The following NPAS2 variants were observed in gnomAD, a reference collection of about 807,000 sequenced individuals.
The protein encoded by NPAS2 is neuronal PAS domain protein 2, also known as neuronal PAS domain-containing protein 2.
NPAS2 carries 23 observed loss-of-function variants against 107.5 expected under a neutral mutation model. That is an observed-to-expected ratio of 0.21 (90% confidence interval 0.15 to 0.30). The LOEUF (loss-of-function observed/expected upper bound fraction) is 0.30. NPAS2 is among the 10% of genes least tolerant of loss of function. The pLI is 1.00. For synonymous variants in NPAS2, 403 were observed against 417.5 expected (o/e 0.97, Z 0.42); for missense variants, 756 against 1,043.3 (o/e 0.72, Z 3.79).
At chr2:100,971,462 TG>T (rs1179754700) in intron 12 of NPAS2, among the ~76,000 whole-genome samples, 4 of 152,124 alleles carry the variant, frequency 2.6e-5, no homozygotes, top group African/African-American at 7.2e-5. Flanking sequence ...CCTCCCCGGC[TG>T]GGTTGTGGAG....
rs1165326545 is a variant in NPAS2 at position 100,968,997 on chromosome 2, GGCATGCCCA to G, written c.1055+571_1055+579del. On this transcript the variant is annotated intron_variant, in intron 11 of 20. Coordinates refer to ENST00000335681, the MANE Select transcript of NPAS2 (RefSeq NM_002518.4). This position sits in a 1 kb window ranked among gnomAD's most constrained non-coding sequence, Gnocchi z 5.3. ...GGTGAGCAGGACTTTAAAGAGACGC[GGCATGCCCA>G]GGGTTTCATAGATGCTGCCTTTGTG... 2.0e-5 allele frequency among the ~76,000 whole-genome samples: 3 copies of G among 152,064 alleles called. No individual in the cohort carries two copies. The highest frequency in any genetic ancestry group is 1.5e-5 in the Non-Finnish European group (1 of 68,016).
Position 100,970,974 on chromosome 2 carries a change from T to C in NPAS2, c.1056-16T>C. The C allele has an allele frequency of 6.2e-7, 1 of 1,613,316 alleles. No individual in the cohort carries two copies. The highest frequency in any genetic ancestry group is 8.5e-7 in the Non-Finnish European group (1 of 1,179,278). On this transcript the variant is annotated splice_polypyrimidine_tract_variant and intron_variant, in intron 11 of 20. Transcript: ENST00000335681. Reference sequence around the variant, plus strand: ...AATGCCCCATCTCCACTGTGGTCTCTTAATTTCCTGTACAGTTACGCAGAT... The same window carrying C: ...AATGCCCCATCTCCACTGTGGTCTCCTAATTTCCTGTACAGTTACGCAGAT...
chr2:100,834,900 A>G (rs1257427078), intron 1 of NPAS2, among the ~76,000 whole-genome samples: 1 of 152,090 alleles, frequency 6.6e-6, no homozygotes, highest in African/African-American at 2.4e-5. Flanking sequence ...TTTTTAGTAG[A>G]GACCGGGTTT....
At chr2:100,966,466 T>A (rs911953738) in intron 10 of NPAS2, among the ~76,000 whole-genome samples, 76 of 152,312 alleles carry the variant, frequency 5.0e-4, no homozygotes, top group African/African-American at 1.8e-3. Flanking sequence ...CACTTACAGC[T>A]GTATTTTCAG....
chr2:100,822,322 G>A (rs920502801), intron 1 of NPAS2, among the ~76,000 whole-genome samples: 3 of 152,206 alleles, frequency 2.0e-5, no homozygotes, highest in Non-Finnish European at 2.9e-5. Context: ...TGATCTTTAT[G>A]TAGAAAACAA....
At chr2:100,948,694 G>A (rs1183523859) in intron 6 of NPAS2, among the ~76,000 whole-genome samples, 1 of 152,150 alleles carries the variant, frequency 6.6e-6, no homozygotes, top group Non-Finnish European at 1.5e-5. Context: ...TCATCATGGA[G>A]GATACTAAGA....
intron 1 of NPAS2, among the ~76,000 whole-genome samples, chr2:100,876,839 A>G (rs1680000497): frequency 1.3e-5 from 2 of 152,186 alleles, no homozygotes; most frequent in Admixed American, 1.3e-4. Context: ...AGACATGTGG[A>G]GGTGGACGTC....
intron 7 of NPAS2, among the ~76,000 whole-genome samples, chr2:100,963,053 G>A (rs1676004871): frequency 6.6e-6 from 1 of 152,248 alleles, no homozygotes; most frequent in African/African-American, 2.4e-5. Context: ...AGCAGATTTT[G>A]TCACCTGGGC....
intron 2 of NPAS2, among the ~76,000 whole-genome samples, chr2:100,908,125 G>T (rs1682288247): frequency 6.6e-6 from 1 of 152,146 alleles, no homozygotes; most frequent in South Asian, 2.1e-4. Flanking sequence ...GCCTGGCTTT[G>T]ATTCTTGCCA....
chr2:100,975,492 C>A lies in NPAS2; in HGVS notation c.1317C>A (p.Thr439=), dbSNP rs747065779. ...CCAAGCTGATGGCAGAGGCCAGCAC[C>A]CCGGCTTTGCCAAGATCAGCCACCC... ...TPTKLMAEAS[T]PALPRSATLP... Residue 439 remains threonine, a synonymous_variant, in exon 14 of 21, where the codon ACC becomes ACA. Coordinates refer to ENST00000335681, the MANE Select transcript of NPAS2 (RefSeq NM_002518.4). 5.6e-6 allele frequency: 9 copies of A among 1,613,400 alleles called. No homozygotes were observed. The African/African-American group carries it at 1.2e-4, about 22-fold the overall frequency.
At chr2:100,974,704 C>T in intron 12 of NPAS2, 99 bp from the exon 13 acceptor site, 3 of 1,315,414 alleles carry the variant, frequency 2.3e-6, no homozygotes, top group Non-Finnish European at 2.1e-6. Flanking sequence ...TTTGTCTCAG[C>T]AGCTTCTGAG....
intron 5 of NPAS2, among the ~76,000 whole-genome samples, chr2:100,938,377 T>C (rs1684468310): frequency 2.6e-5 from 4 of 152,048 alleles, no homozygotes; most frequent in African/African-American, 7.2e-5. Context: ...TTGGAAGACC[T>C]TGGGGAGTGA....
intron 19 of NPAS2, among the ~76,000 whole-genome samples, chr2:100,991,793 G>C (rs1168371673): frequency 6.6e-6 from 1 of 152,202 alleles, no homozygotes; most frequent in Non-Finnish European, 1.5e-5. Flanking sequence ...GCTTTAAAGG[G>C]GTTAGATTAC....
intron 3 of NPAS2, among the ~76,000 whole-genome samples, chr2:100,926,100 T>C (rs1020317487): frequency 1.3e-5 from 2 of 152,160 alleles, no homozygotes; most frequent in Non-Finnish European, 2.9e-5. Flanking sequence ...CATGTGTGAG[T>C]ACTTCATTCC....
At chr2:100,990,028 A>G in intron 17 of NPAS2, 1 of 559,392 alleles carries the variant, frequency 1.8e-6, no homozygotes, top group Non-Finnish European at 3.2e-6. Flanking sequence ...AGTTCAAGGC[A>G]CATTTGCTAC....
intron 15 of NPAS2, among the ~76,000 whole-genome samples, chr2:100,981,369 A>G (rs1412178699): frequency 6.6e-6 from 1 of 152,198 alleles, no homozygotes; most frequent in Non-Finnish European, 1.5e-5. Flanking sequence ...TATGGGAGTC[A>G]TAGCCCCGAA....
intron 1 of NPAS2, among the ~76,000 whole-genome samples, chr2:100,897,809 T>C (rs944406567): frequency 3.3e-5 from 5 of 152,202 alleles, no homozygotes; most frequent in African/African-American, 1.2e-4. Context: ...CCCCGCCTCA[T>C]GTAAGCACCA....
chr2:100,876,355 C>T (rs933173151), intron 1 of NPAS2, among the ~76,000 whole-genome samples: 3 of 152,228 alleles, frequency 2.0e-5, no homozygotes, highest in African/African-American at 7.2e-5. Context: ...ACGCCTGCTG[C>T]TCAGGGCCCC....
intron 1 of NPAS2, among the ~76,000 whole-genome samples, chr2:100,885,472 A>G (rs911908188): frequency 1.5e-4 from 23 of 152,140 alleles, no homozygotes; most frequent in African/African-American, 5.3e-4. Context: ...TGGAATGATT[A>G]TTTAGTTTTG....
Sources: allele counts gnomAD v4.1 joint callset (sites outside exome capture counted in the v4.1 genomes callset), GRCh38; gene constraint gnomAD v4.1.1; non-coding constraint Gnocchi (gnomAD v3.1); transcripts MANE v1.5; gene names NCBI Gene and HGNC (gene_info 2026-07-23, HGNC 2026-07-21).